DIAPH2: variants seen among roughly 807,000 people sequenced by gnomAD.
DIAPH2 encodes the protein diaphanous related formin 2, also known as protein diaphanous homolog 2.
A neutral mutation model predicts 92.7 loss-of-function variants in DIAPH2; 35 were observed. That is an observed-to-expected ratio of 0.38 (90% CI 0.29 to 0.50). The LOEUF is 0.50. DIAPH2 is among the 20% of genes least tolerant of loss of function. DIAPH2 has a pLI of 0.94. For missense variants in DIAPH2, 701 were observed against 819.5 expected (o/e 0.86, Z 1.77); for synonymous variants, 301 against 280.4 (o/e 1.07, Z -0.73).
At chrX:97,542,111 C>T (rs964396808) in intron 26 of DIAPH2, among the ~76,000 whole-genome samples, 8 of 112,373 alleles carry the variant, frequency 7.1e-5, no homozygotes, top group East Asian at 2.8e-4. Context: ...GCCTAACTGA[C>T]GTTAGTGAAT....
chrX:96,833,729 C>T (rs989197369), intron 4 of DIAPH2, among the ~76,000 whole-genome samples: 14 of 110,624 alleles, frequency 1.3e-4, no homozygotes, highest in African/African-American at 4.3e-4. Flanking sequence ...GGCTCAATCT[C>T]GGCTCACGGT....
In DIAPH2 at chrX:97,599,474, T is replaced by C. The variant is rs1169932133; in HGVS notation, c.*157T>C. On this transcript the variant is annotated 3_prime_UTR_variant, in exon 27 of 27. Coordinates refer to ENST00000324765, the MANE Select transcript of DIAPH2 (RefSeq NM_006729.5). ...AAGTAGTGTGCATTTGTAATACTAT[T>C]GCAAGACTCCTCCCACAATTATTCT... The C allele has an allele frequency of 6.1e-6, 2 of 327,962 alleles. No individual in the cohort carries two copies. The highest frequency in any genetic ancestry group is 5.6e-6 in the Non-Finnish European group (1 of 177,644). 27.0% of individuals were successfully genotyped at this position (327,962 alleles called of 1,213,427 possible). A position where few individuals can be genotyped will look rare whatever the true frequency, so the allele number is the denominator to read the frequency against.
At chrX:97,288,513 G>T (rs2068563827) in intron 23 of DIAPH2, among the ~76,000 whole-genome samples, 2 of 110,858 alleles carry the variant, frequency 1.8e-5, no homozygotes, top group African/African-American at 6.6e-5. Flanking sequence ...GGAGGCCAAG[G>T]TGGGTGGATC....
intron 17 of DIAPH2, among the ~76,000 whole-genome samples, chrX:96,969,240 A>C (rs1185874604): frequency 9.0e-6 from 1 of 111,152 alleles, no homozygotes; most frequent in South Asian, 3.8e-4. Flanking sequence ...ATTTTAGAAT[A>C]GTTTTTTTTT....
chrX:96,899,394 T>C (rs1387343311), intron 5 of DIAPH2, among the ~76,000 whole-genome samples: 2 of 110,807 alleles, frequency 1.8e-5, no homozygotes, highest in Non-Finnish European at 3.8e-5. Flanking sequence ...GTATCCTCTT[T>C]TATTTCATTG....
chrX:97,478,233 G>T (rs1167647955), intron 26 of DIAPH2, among the ~76,000 whole-genome samples: 1 of 111,877 alleles, frequency 8.9e-6, no homozygotes, highest in Admixed American at 9.5e-5. Context: ...AATTCTTCTT[G>T]CTAGTAAAGC....
chrX:96,739,364 G>A (rs778390721), intron 3 of DIAPH2, among the ~76,000 whole-genome samples: 2 of 111,621 alleles, frequency 1.8e-5, no homozygotes, highest in African/African-American at 6.5e-5. Context: ...GAATTAAACC[G>A]TATTACATTG....
At chrX:96,835,793 C>A (rs781663692) in intron 4 of DIAPH2, among the ~76,000 whole-genome samples, 1 of 110,981 alleles carries the variant, frequency 9.0e-6, no homozygotes, top group South Asian at 3.9e-4. Context: ...CACACTTGAC[C>A]ACCAGTCTAG....
chrX:96,924,643 A>G (rs748370846), intron 9 of DIAPH2, among the ~76,000 whole-genome samples: 2 of 111,594 alleles, frequency 1.8e-5, no homozygotes, highest in South Asian at 7.5e-4. Context: ...TGGGTAATTT[A>G]TAAAGAAAAG....
intron 25 of DIAPH2, among the ~76,000 whole-genome samples, chrX:97,419,616 A>G (rs1320334395): frequency 8.9e-6 from 1 of 111,838 alleles, no homozygotes; most frequent in Non-Finnish European, 1.9e-5. Flanking sequence ...CTGTCACTTC[A>G]CAACTATGTG....
At chrX:96,771,191 G>A (rs183093617) in intron 4 of DIAPH2, among the ~76,000 whole-genome samples, 159 of 111,881 alleles carry the variant, frequency 1.4e-3, no homozygotes, top group African/African-American at 4.8e-3. Context: ...TTAGTATTAT[G>A]TTTAGACATG....
chrX:97,465,370 T>A lies in DIAPH2; in HGVS notation c.3241+35625T>A, dbSNP rs980940767. On this transcript the variant is annotated intron_variant, in intron 26 of 26. Transcript: ENST00000324765. ...GTAGATTCTACATTCATGGATTCAA[T>A]GAAAGGCATATCGAAAATATTTTTA... Among the ~76,000 whole-genome samples, 13 of 111,797 alleles carry A rather than the reference T, an allele frequency of 1.2e-4. No individual in the cohort carries two copies. In the East Asian group the frequency reaches 3.6e-3, roughly 31 times the overall value.
chrX:97,235,617 A>G (rs965832647), intron 22 of DIAPH2, among the ~76,000 whole-genome samples: 9 of 109,504 alleles, frequency 8.2e-5, no homozygotes, highest in African/African-American at 3.0e-4. Flanking sequence ...AAAAAAAAAA[A>G]AAAAAAGAAA....
At chrX:96,797,888 C>T (rs773437819) in intron 4 of DIAPH2, among the ~76,000 whole-genome samples, 1 of 112,453 alleles carries the variant, frequency 8.9e-6, no homozygotes, top group African/African-American at 3.2e-5. Context: ...TTATGATGTA[C>T]TTTTGAGGTG....
At chrX:97,097,761 A>C (rs761267732) in intron 19 of DIAPH2, among the ~76,000 whole-genome samples, 4 of 111,962 alleles carry the variant, frequency 3.6e-5, no homozygotes, top group African/African-American at 1.3e-4. Flanking sequence ...TTTTCTTAAT[A>C]ACATACATAC....
chrX:97,490,128 A>G (rs2070715573), intron 26 of DIAPH2, among the ~76,000 whole-genome samples: 1 of 110,860 alleles, frequency 9.0e-6, no homozygotes, highest in South Asian at 3.8e-4. Context: ...CCATTTCATC[A>G]TGATTTACCC....
rs1362102497 is a variant in DIAPH2 at position 96,839,526 on chromosome X, C to G, written c.448-42053C>G. Reference sequence around the variant, plus strand: ...CATTGTCATTTTTAATTTACAGACACTTAATTTTTTCCTATGCTAATAAGT... The same window carrying G: ...CATTGTCATTTTTAATTTACAGACAGTTAATTTTTTCCTATGCTAATAAGT... On this transcript the variant is annotated intron_variant, in intron 4 of 26. Coordinates refer to ENST00000324765, the MANE Select transcript of DIAPH2 (RefSeq NM_006729.5). Among the ~76,000 whole-genome samples, 3 of 111,346 alleles carry G rather than the reference C, an allele frequency of 2.7e-5. No homozygotes were observed. The East Asian group carries it at 8.4e-4, about 31-fold the overall frequency.
At chrX:96,975,703 A>G (rs1191300180) in intron 17 of DIAPH2, among the ~76,000 whole-genome samples, 1 of 111,724 alleles carries the variant, frequency 9.0e-6, no homozygotes, top group East Asian at 2.8e-4. Context: ...CAAGATCAAA[A>G]TACTGGTATA....
chrX:96,896,703 C>A (rs1279912609), intron 5 of DIAPH2, among the ~76,000 whole-genome samples: 1 of 111,825 alleles, frequency 8.9e-6, no homozygotes, highest in Non-Finnish European at 1.9e-5. Flanking sequence ...CTTTACAAAG[C>A]ATTTATATGT....
Sources: allele counts gnomAD v4.1 joint callset (sites outside exome capture counted in the v4.1 genomes callset), GRCh38; gene constraint gnomAD v4.1.1; transcripts MANE v1.5; gene names NCBI Gene and HGNC (gene_info 2026-07-23, HGNC 2026-07-21).